ZNG1B: variants seen among roughly 807,000 people sequenced by gnomAD.
ZNG1B encodes zinc-regulated GTPase metalloprotein activator 1B.
At chr2:113,460,862 G>C in the ZNG1B span, 1 of 1,301,522 alleles carries the variant, frequency 7.7e-7, no homozygotes, top group African/African-American at 1.5e-5. Context: ...TTGAATTATT[G>C]CTATCTATTT....
the ZNG1B span, chr2:113,468,449 T>C: frequency 6.7e-6 from 1 of 148,944 alleles, no homozygotes; most frequent in Non-Finnish European, 1.5e-5. Flanking sequence ...CCTTTAGACA[T>C]AGGGAAAAAT....
At chr2:113,483,421 CAGTG>C in the ZNG1B span, among the ~76,000 whole-genome samples, 1 of 151,504 alleles carries the variant, frequency 6.6e-6, no homozygotes, top group Non-Finnish European at 1.5e-5. Context: ...GGTGGGTACT[CAGTG>C]AGTATTTGTT....
the ZNG1B span, among the ~76,000 whole-genome samples, chr2:113,491,966 T>C: frequency 5.7e-5 from 7 of 123,568 alleles, 2 homozygotes; most frequent in Admixed American, 6.4e-4. Context: ...AGAATGGCCA[T>C]AATAAAAAAA....
At chr2:113,472,247 T>C in the ZNG1B span, among the ~76,000 whole-genome samples, 1 of 152,148 alleles carries the variant, frequency 6.6e-6, no homozygotes, top group Admixed American at 6.5e-5. Context: ...ATGGTGAGCA[T>C]TTTTTCATGT....
the ZNG1B span, among the ~76,000 whole-genome samples, chr2:113,477,901 G>C: frequency 0.22 from 33,348 of 151,936 alleles, 3,865 homozygotes; most frequent in East Asian, 0.52. Flanking sequence ...CCTGACGCAA[G>C]TGGAATCATG....
At chr2:113,477,192 C>G in the ZNG1B span, among the ~76,000 whole-genome samples, 1 of 152,320 alleles carries the variant, frequency 6.6e-6, no homozygotes, top group Non-Finnish European at 1.5e-5. Context: ...TGGGACCCTC[C>G]GAGCCAGGTG....
chr2:113,445,302 A>G, the ZNG1B span: 1 of 422,120 alleles, frequency 2.4e-6, no homozygotes, highest in South Asian at 3.2e-5. Context: ...ACTTAGGATT[A>G]TTTGTAAGAA....
the ZNG1B span, among the ~76,000 whole-genome samples, chr2:113,472,606 T>G: frequency 6.6e-6 from 1 of 152,128 alleles, no homozygotes; most frequent in Admixed American, 6.5e-5. Flanking sequence ...TTCTAGGGTT[T>G]TTATGGTTTT....
chr2:113,495,261 A>G, the ZNG1B span: 3 of 1,514,674 alleles, frequency 2.0e-6, 1 homozygote, highest in African/African-American at 2.9e-5. Flanking sequence ...TAAGTCTGAA[A>G]GGATTCACAG....
the ZNG1B span, among the ~76,000 whole-genome samples, chr2:113,478,191 T>C: frequency 2.4e-4 from 37 of 152,290 alleles, no homozygotes; most frequent in African/African-American, 8.7e-4. Context: ...TTTGAATTGG[T>C]GGGACAATTT....
the ZNG1B span, among the ~76,000 whole-genome samples, chr2:113,487,351 T>C: frequency 2.0e-5 from 3 of 152,144 alleles, no homozygotes; most frequent in Non-Finnish European, 4.4e-5. Flanking sequence ...TCTCTTTATG[T>C]ATCCATGACT....
the ZNG1B span, among the ~76,000 whole-genome samples, chr2:113,471,868 A>C: frequency 2.0e-5 from 3 of 151,748 alleles, no homozygotes; most frequent in East Asian, 3.9e-4. Flanking sequence ...ACATTTTCTT[A>C]ATCCAGTCTA....
the ZNG1B span, among the ~76,000 whole-genome samples, chr2:113,448,293 G>A: frequency 6.6e-6 from 1 of 152,126 alleles, no homozygotes; most frequent in African/African-American, 2.4e-5. Context: ...ATATTTTGAA[G>A]GAATCTTTTC....
the ZNG1B span, among the ~76,000 whole-genome samples, chr2:113,459,557 C>T: frequency 1.3e-5 from 2 of 151,418 alleles, no homozygotes; most frequent in Non-Finnish European, 2.9e-5. Context: ...AAAAAAGTCC[C>T]TGTGATTGTA....
At chr2:113,475,585 G>C in the ZNG1B span, among the ~76,000 whole-genome samples, 2 of 151,814 alleles carry the variant, frequency 1.3e-5, no homozygotes, top group Admixed American at 6.6e-5. Flanking sequence ...TTCCTAGCTT[G>C]GATGGTCTTT....
At chr2:113,476,635 C>T in the ZNG1B span, among the ~76,000 whole-genome samples, 3 of 149,946 alleles carry the variant, frequency 2.0e-5, no homozygotes, top group Non-Finnish European at 4.4e-5. Context: ...GTTTTTTCCC[C>T]ATCTTTGTGG....
the ZNG1B span, chr2:113,481,487 A>C: frequency 6.6e-6 from 1 of 152,258 alleles, no homozygotes; most frequent in Non-Finnish European, 1.5e-5. Context: ...CTCTTCTTCA[A>C]GGCAAAGCAT....
the ZNG1B span, among the ~76,000 whole-genome samples, chr2:113,440,976 A>G: frequency 6.9e-6 from 1 of 145,638 alleles, no homozygotes; most frequent in Non-Finnish European, 1.5e-5. Flanking sequence ...TTTCATAAAA[A>G]CTTTTATAGA....
At chr2:113,473,781 G>C in the ZNG1B span, among the ~76,000 whole-genome samples, 1 of 148,172 alleles carries the variant, frequency 6.7e-6, no homozygotes, top group South Asian at 2.2e-4. Flanking sequence ...TTATATGCTG[G>C]ATTACATGTA....
Sources: gnomAD v4.1 joint callset for allele counts (sites outside exome capture counted in the v4.1 genomes callset) on GRCh38, gnomAD v4.1.1 for gene constraint, MANE v1.5 for transcripts, NCBI Gene and HGNC (gene_info 2026-07-23, HGNC 2026-07-21) for gene names.